SLC35D1: variants seen among roughly 807,000 people sequenced by gnomAD.
The protein encoded by SLC35D1 is solute carrier family 35 member D1.
A neutral mutation model predicts 46.7 loss-of-function variants in SLC35D1; 31 were observed. The observed-to-expected ratio is 0.66, with a 90% CI of 0.50 to 0.90. The LOEUF (loss-of-function observed/expected upper bound fraction) is 0.90. SLC35D1 is among the 40% of genes least tolerant of loss of function. The probability of loss-of-function intolerance (pLI) is 0.00; values close to 1 mark genes in which losing one functional copy is unlikely to be tolerated. For synonymous variants in SLC35D1, 195 were observed against 164.6 expected (o/e 1.18, Z -1.41); for missense variants, 397 against 426.2 (o/e 0.93, Z 0.60).
chr1:67,047,370 G>C lies in SLC35D1; in HGVS notation c.534-3C>G, dbSNP rs776568019. On this transcript the variant is annotated splice_region_variant and splice_polypyrimidine_tract_variant and intron_variant, in intron 6 of 11. Coordinates refer to ENST00000235345, the MANE Select transcript of SLC35D1 (RefSeq NM_015139.3). Reference sequence around the variant, plus strand: ...CCAGATCAAATGCCAAGTCAGAGCTGCAAAACATAAGCAACACTTTAAGAA... The same window carrying C: ...CCAGATCAAATGCCAAGTCAGAGCTCCAAAACATAAGCAACACTTTAAGAA... The C allele has an allele frequency of 6.2e-7, 1 of 1,610,580 alleles. No homozygotes were observed. Among genetic ancestry groups the C allele is most frequent in the East Asian group, 2.2e-5 (1 of 44,812 alleles).
At position 67,021,530 on chromosome 1, in the gene SLC35D1, C is replaced by T. The variant is rs201201012; in HGVS notation, c.797+5G>A. ...CTATCTGCTAACAAGGTAACAAAGGCTTACCCCATCACACAGGAGAGGGTG... is the reference window on the plus strand; with the variant it reads ...CTATCTGCTAACAAGGTAACAAAGGTTTACCCCATCACACAGGAGAGGGTG... On this transcript the variant is annotated splice_donor_5th_base_variant and intron_variant, in intron 9 of 11. Transcript: ENST00000235345. 9.9e-6 allele frequency: 16 copies of T among 1,613,916 alleles called. No individual in the cohort carries two copies. The East Asian group carries it at 3.6e-4, about 36-fold the overall frequency.
chr1:66,977,414 GTT>G, the SLC35D1 span, among the ~76,000 whole-genome samples: 1 of 151,870 alleles, frequency 6.6e-6, no homozygotes, highest in Non-Finnish European at 1.5e-5. Context: ...CCAGCATACA[GTT>G]TTTTTATAGA....
chr1:66,975,405 T>C, the SLC35D1 span, among the ~76,000 whole-genome samples: 1 of 152,068 alleles, frequency 6.6e-6, no homozygotes, highest in African/African-American at 2.4e-5. Flanking sequence ...CATGCAATTG[T>C]GGTCCCAGTT....
intron 11 of SLC35D1, chr1:67,008,263 C>T (rs1009784118): frequency 2.9e-5 from 10 of 347,490 alleles, no homozygotes; most frequent in African/African-American, 1.1e-4. Context: ...CTCAGCCTCC[C>T]GAGCAGCTGG....
chr1:67,011,176 T>G (rs1295843271), intron 10 of SLC35D1, among the ~76,000 whole-genome samples: 1 of 152,220 alleles, frequency 6.6e-6, no homozygotes, highest in African/African-American at 2.4e-5. Context: ...CACTGGGGGT[T>G]TAGGTAGTCA....
chr1:66,975,896 A>G, the SLC35D1 span, among the ~76,000 whole-genome samples: 1 of 152,338 alleles, frequency 6.6e-6, no homozygotes, highest in South Asian at 2.1e-4. Flanking sequence ...ATTTAAAGAT[A>G]CGCTCCCTAG....
chr1:67,053,794 C>G lies in SLC35D1; in HGVS notation c.203+17G>C, dbSNP rs774268588. 2.6e-6 allele frequency: 4 copies of G among 1,565,526 alleles called. No individual in the cohort carries two copies. Among genetic ancestry groups the G allele is most frequent in the South Asian group, 2.4e-5 (2 of 84,832 alleles). On this transcript the variant is annotated intron_variant, in intron 1 of 11. Transcript: ENST00000235345. ...GCTCCTCCTCCGCGGCCTGGGCCGC[C>G]GCCGCCTCGGCCCTACCTGTAATTG... is the stretch of plus-strand genomic sequence containing the variant.
chr1:66,998,651 A>G (rs554722377), downstream of SLC35D1, among the ~76,000 whole-genome samples: 1 of 152,372 alleles, frequency 6.6e-6, no homozygotes, highest in South Asian at 2.1e-4. Context: ...AATATTATTC[A>G]GACTTAAGAA....
intron 8 of SLC35D1, among the ~76,000 whole-genome samples, chr1:67,027,554 A>G (rs1667938753): frequency 6.6e-6 from 1 of 152,106 alleles, no homozygotes; most frequent in Non-Finnish European, 1.5e-5. Context: ...AATTACAGGC[A>G]TGAGCCACCT....
At chr1:66,986,832 T>A in the SLC35D1 span, 5 of 173,044 alleles carry the variant, frequency 2.9e-5, no homozygotes, top group African/African-American at 1.2e-4. Flanking sequence ...ACAATCTGTT[T>A]TCTAAATCAT....
chr1:67,042,261 G>A lies in SLC35D1; in HGVS notation c.704C>T (p.Ala235Val), dbSNP rs973065393. The A allele has an allele frequency of 5.0e-6, 8 of 1,614,048 alleles. No homozygotes were observed. The highest frequency in any genetic ancestry group is 2.2e-5 in the South Asian group (2 of 91,082). The change falls in exon 8 of 12, where the codon GCG (alanine) becomes GTG (valine). Residue 235 changes from alanine (A) to valine (V), a missense_variant. Ala to Val is a moderately conservative substitution (Grantham distance 64). Transcript: ENST00000235345. ...LFMILPTLAI[A>V]YFTGDAQKAV... ...CTTTTGTGCATCTCCTGTGAAATAC[G>A]CAATGGCCAGGGTGGGCAGAATCAT...
downstream of SLC35D1, among the ~76,000 whole-genome samples, chr1:66,995,361 T>C (rs903493709): frequency 2.1e-5 from 3 of 140,834 alleles, no homozygotes; most frequent in Non-Finnish European, 3.0e-5. Context: ...ACCTACAGTA[T>C]ACAATCCAAA....
chr1:66,989,365 G>A, the SLC35D1 span, among the ~76,000 whole-genome samples: 1 of 152,170 alleles, frequency 6.6e-6, no homozygotes, highest in African/African-American at 2.4e-5. Context: ...CACACTGACT[G>A]GAATTTGTAG....
At chr1:66,988,156 C>G in the SLC35D1 span, 1 of 152,068 alleles carries the variant, frequency 6.6e-6, no homozygotes, top group Non-Finnish European at 1.5e-5. Flanking sequence ...AAGGTTTTCC[C>G]AACTATAATC....
At chr1:66,996,625 T>C (rs1231583439), downstream of SLC35D1, among the ~76,000 whole-genome samples, 1 of 152,174 alleles carries the variant, frequency 6.6e-6, no homozygotes, top group Non-Finnish European at 1.5e-5. Context: ...AATGTATACA[T>C]AGGCCCCAAG....
At chr1:67,008,825 C>T (rs1343237731) in intron 11 of SLC35D1, among the ~76,000 whole-genome samples, 1 of 152,030 alleles carries the variant, frequency 6.6e-6, no homozygotes, top group Non-Finnish European at 1.5e-5. Context: ...CCAGACTAGT[C>T]TCAAACTCCT....
the SLC35D1 span, among the ~76,000 whole-genome samples, chr1:66,992,938 C>T: frequency 6.6e-6 from 1 of 152,356 alleles, no homozygotes; most frequent in South Asian, 2.1e-4. Flanking sequence ...ACAATCTTCA[C>T]AACGTTATTT....
chr1:67,047,647 GACA>G (rs985213245), intron 6 of SLC35D1, among the ~76,000 whole-genome samples: 41 of 152,290 alleles, frequency 2.7e-4, no homozygotes, highest in African/African-American at 9.6e-4. Flanking sequence ...AAAGCCAGAT[GACA>G]ACAAGCACCA....
At chr1:67,020,947 T>G (rs1481118297) in intron 9 of SLC35D1, among the ~76,000 whole-genome samples, 2 of 152,228 alleles carry the variant, frequency 1.3e-5, no homozygotes, top group African/African-American at 4.8e-5. Context: ...ACACTGAGGC[T>G]TCTCAGCTTA....
Sources: allele counts gnomAD v4.1 joint callset (sites outside exome capture counted in the v4.1 genomes callset), GRCh38; gene constraint gnomAD v4.1.1; transcripts MANE v1.5; gene names NCBI Gene and HGNC (gene_info 2026-07-23, HGNC 2026-07-21).